Variants in PTPRT observed in about 807,000 individuals in gnomAD.
PTPRT encodes receptor-type tyrosine-protein phosphatase T.
Under a neutral mutation model 176.8 loss-of-function variants are expected in PTPRT, and 56 were observed. That is an observed-to-expected ratio of 0.32 (90% CI 0.26 to 0.40). The LOEUF (loss-of-function observed/expected upper bound fraction) is 0.40, where lower values mean the gene tolerates loss of function less well. Among genes scored for constraint, PTPRT ranks in the 10% least tolerant of loss-of-function variants. The pLI, the probability that PTPRT is intolerant of heterozygous loss-of-function variation, is 1.00. For missense variants in PTPRT, 1,540 were observed against 1,908.2 expected, an observed-to-expected ratio of 0.81 and a Z score of 3.60; for synonymous variants, 783 against 739.0, an observed-to-expected ratio of 1.06 and a Z score of -0.96.
intron 9 of PTPRT, among the ~76,000 whole-genome samples, chr20:42,354,793 T>C (rs2058335181): frequency 6.6e-6 from 1 of 152,328 alleles, no homozygotes; most frequent in Non-Finnish European, 1.5e-5. Flanking sequence ...TGGCACCAAG[T>C]GTTTTGGAGA....
At chr20:42,577,437 G>A (rs544976673) in intron 7 of PTPRT, among the ~76,000 whole-genome samples, 3 of 152,264 alleles carry the variant, frequency 2.0e-5, no homozygotes, top group Non-Finnish European at 2.9e-5. Flanking sequence ...GGACACAGAC[G>A]GAGACCCAGG....
chr20:42,166,560 A>G (rs1989833441), intron 16 of PTPRT, among the ~76,000 whole-genome samples: 1 of 152,214 alleles, frequency 6.6e-6, no homozygotes, highest in Admixed American at 6.5e-5. Flanking sequence ...AGTGCAACAT[A>G]AAATCATGAA....
chr20:42,564,399 C>T (rs902150246), intron 7 of PTPRT, among the ~76,000 whole-genome samples: 1 of 152,322 alleles, frequency 6.6e-6, no homozygotes, highest in East Asian at 1.9e-4. Context: ...TTCAACCAAT[C>T]ATGGACTGAA....
rs550702603 is a variant in PTPRT at position 42,099,018 on chromosome 20, C to T, written c.3715-466G>A. ...TCTGCCTCCAGGCTGGAGTGAGGGG[C>T]TGAGTTGCCCTGGCAAGGTGGGCAC... On this transcript the variant is annotated intron_variant, in intron 26 of 30. Coordinates refer to ENST00000373187, the MANE Select transcript of PTPRT (RefSeq NM_007050.6). Among the ~76,000 whole-genome samples the T allele has an allele frequency of 2.2e-4, 34 of 152,336 alleles. No homozygotes were observed. The East Asian group carries it at 6.6e-3, about 29-fold the overall frequency.
Position 42,098,469 on chromosome 20 carries a change from A to G in PTPRT, c.3798T>C (p.Asp1266=). Residue 1266 remains aspartate (D), a synonymous_variant, in exon 27 of 31, where the codon GAT becomes GAC. Transcript: ENST00000373187. ...GCATCACCACAGAGGAGCAGTTGTA[A>G]TCGAACACCAGCCTCCAGAAGTCTG... ...TVADFWRLVF[D]YNCSSVVMLN... 6.2e-7 allele frequency: 1 copy of G among 1,614,170 alleles called. No individual in the cohort carries two copies. Among genetic ancestry groups the G allele is most frequent in the Non-Finnish European group, 8.5e-7 (1 of 1,180,022 alleles).
Position 42,300,115 on chromosome 20 carries a change from G to A in PTPRT, c.2139+15608C>T, listed in dbSNP as rs995751447. Among the ~76,000 whole-genome samples the A allele has an allele frequency of 6.3e-4, 95 of 151,836 alleles. 2 individuals carry two copies. Among genetic ancestry groups the A allele is most frequent in the Admixed American group, 6.2e-3 (95 of 15,246 alleles). Reference sequence around the variant, plus strand: ...TCTACTAAAAATAAAAAAATTAGCTGGGCATGATGGCCGGTGCCTGTAATC... The same window carrying A: ...TCTACTAAAAATAAAAAAATTAGCTAGGCATGATGGCCGGTGCCTGTAATC... On this transcript the variant is annotated intron_variant, in intron 12 of 30. Transcript: ENST00000373187.
At chr20:42,780,392 C>A in intron 3 of PTPRT, 93 bp from the exon 4 acceptor site, 2 of 953,376 alleles carry the variant, frequency 2.1e-6, no homozygotes, top group South Asian at 1.4e-5. Flanking sequence ...TATGTTTCAA[C>A]TTCCCATCAG....
At position 42,678,952 on chromosome 20, in the gene PTPRT, G is replaced by A. The variant is rs574206196; in HGVS notation, c.860-793C>T. Among the ~76,000 whole-genome samples, 8 of 152,288 alleles carry A rather than the reference G, an allele frequency of 5.3e-5. No individual in the cohort carries two copies. The South Asian group carries it at 1.7e-3, about 32-fold the overall frequency. The stretch of plus-strand genomic sequence containing the variant: ...GAGCCTAAGTAGAAAAAGAATGATG[G>A]CACAGCAAGAATTCAGCTTCTGCCT... On this transcript the variant is annotated intron_variant, in intron 6 of 30. Coordinates refer to ENST00000373187, the MANE Select transcript of PTPRT (RefSeq NM_007050.6).
chr20:42,076,734 A>AT lies in PTPRT; in HGVS notation c.*4144dup, dbSNP rs148891400. The AT allele has an allele frequency of 0.087, 17,399 of 200,786 alleles. 1,732 individuals carry two copies. Among genetic ancestry groups the AT allele is most frequent in the African/African-American group, 0.27 (11,619 of 43,184 alleles). The allele number at this position is 200,786 out of a possible 1,614,324, so 12.4% of individuals were successfully genotyped here. ...CAGAACAACATGAGGAACAGAGCAC[A>AT]TTTTTTTTTGAAATATTCATAGAGT... On this transcript the variant is annotated 3_prime_UTR_variant, in exon 31 of 31. Transcript: ENST00000373187.
chr20:42,300,774 TTATTATTTA>T (rs1292810474), intron 12 of PTPRT, among the ~76,000 whole-genome samples: 1 of 148,636 alleles, frequency 6.7e-6, no homozygotes, highest in African/African-American at 2.5e-5. Context: ...ATTATTATTA[TTATTATTTA>T]TTATTATTAT....
intron 7 of PTPRT, among the ~76,000 whole-genome samples, chr20:42,518,682 T>G (rs1424963166): frequency 6.6e-6 from 1 of 152,102 alleles, no homozygotes; most frequent in Non-Finnish European, 1.5e-5. Context: ...TTTGGCTTTG[T>G]TGATCTTCTG....
At chr20:42,836,654 G>T (rs2078186370) in intron 2 of PTPRT, among the ~76,000 whole-genome samples, 1 of 152,174 alleles carries the variant, frequency 6.6e-6, no homozygotes, top group Non-Finnish European at 1.5e-5. Flanking sequence ...GAACCAAACA[G>T]CCCTGGGTTT....
At chr20:43,119,024 A>C (rs1429454540) in intron 1 of PTPRT, among the ~76,000 whole-genome samples, 1 of 152,282 alleles carries the variant, frequency 6.6e-6, no homozygotes, top group Non-Finnish European at 1.5e-5. Context: ...CAATAGTAAA[A>C]TATTGCAACA....
the PTPRT span, among the ~76,000 whole-genome samples, chr20:42,038,324 A>G: frequency 1.3e-4 from 20 of 152,190 alleles, no homozygotes; most frequent in Non-Finnish European, 2.5e-4. Context: ...AGTCACTCTT[A>G]CAAGTATACG....
intron 1 of PTPRT, among the ~76,000 whole-genome samples, chr20:43,048,024 G>A (rs1458594372): frequency 6.6e-6 from 1 of 152,122 alleles, no homozygotes; most frequent in South Asian, 2.1e-4. Context: ...GGCAAAACAG[G>A]CAGGTAATCA....
chr20:42,721,585 G>A (rs2076303795), intron 6 of PTPRT, among the ~76,000 whole-genome samples: 1 of 152,368 alleles, frequency 6.6e-6, no homozygotes, highest in South Asian at 2.1e-4. Context: ...AAAGAAGCAG[G>A]TTAGGGGAAG....
chr20:42,300,851 C>T (rs1235981383), intron 12 of PTPRT, among the ~76,000 whole-genome samples: 1 of 149,734 alleles, frequency 6.7e-6, no homozygotes, highest in Non-Finnish European at 1.5e-5. Context: ...AGTAAAATAT[C>T]GCAAGAACAA....
the PTPRT span, among the ~76,000 whole-genome samples, chr20:42,051,995 T>A: frequency 1.3e-5 from 2 of 152,234 alleles, no homozygotes; most frequent in African/African-American, 4.8e-5. Flanking sequence ...GAACAGATTA[T>A]ACTGATTGAT....
chr20:42,337,819 T>C (rs1216115421), intron 11 of PTPRT, among the ~76,000 whole-genome samples: 1 of 152,188 alleles, frequency 6.6e-6, no homozygotes, highest in African/African-American at 2.4e-5. Flanking sequence ...GTTGAGACTT[T>C]GGAGAGGAAA....
Sources: gnomAD v4.1 joint callset for allele counts (sites outside exome capture counted in the v4.1 genomes callset) on GRCh38, gnomAD v4.1.1 for gene constraint, MANE v1.5 for transcripts, NCBI Gene and HGNC (gene_info 2026-07-23, HGNC 2026-07-21) for gene names.